The following SORCS3 variants were observed in gnomAD, a reference collection of about 807,000 sequenced individuals.
SORCS3 encodes sortilin related VPS10 domain containing receptor 3.
SORCS3 carries 57 observed loss-of-function variants against 146.3 expected under a neutral mutation model. That is an observed-to-expected ratio of 0.39 (90% CI 0.31 to 0.49). The LOEUF (loss-of-function observed/expected upper bound fraction) is 0.49. Among genes scored for constraint, SORCS3 ranks in the 20% least tolerant of loss-of-function variants. The pLI is 0.92. For missense variants in SORCS3, 1,341 were observed against 1,575.5 expected (o/e 0.85, Z 2.52); for synonymous variants, 653 against 618.5 (o/e 1.06, Z -0.83).
intron 3 of SORCS3, among the ~76,000 whole-genome samples, chr10:104,972,154 C>T (rs1228015992): frequency 4.6e-5 from 7 of 152,130 alleles, no homozygotes; most frequent in Middle Eastern, 3.4e-3. Flanking sequence ...GCCTGGCCAA[C>T]GTGGCAAAAC....
intron 4 of SORCS3, among the ~76,000 whole-genome samples, chr10:104,984,917 C>T (rs1264596210): frequency 1.3e-5 from 2 of 152,112 alleles, no homozygotes; most frequent in Admixed American, 1.3e-4. Context: ...TGCTAATGAT[C>T]ATCTGAGCCT....
At chr10:105,166,424 A>G (rs1181725240) in intron 12 of SORCS3, among the ~76,000 whole-genome samples, 1 of 152,170 alleles carries the variant, frequency 6.6e-6, no homozygotes, top group African/African-American at 2.4e-5. Context: ...CTGCTGGAGA[A>G]ATAGTTTTCC....
intron 13 of SORCS3, among the ~76,000 whole-genome samples, chr10:105,176,266 T>C (rs1019835180): frequency 6.6e-6 from 1 of 152,058 alleles, no homozygotes; most frequent in African/African-American, 2.4e-5. Context: ...CAGGTTAGGC[T>C]GGGCATGGTG....
chr10:104,797,806 A>C (rs1041518213), intron 1 of SORCS3, among the ~76,000 whole-genome samples: 1 of 152,172 alleles, frequency 6.6e-6, no homozygotes, highest in African/African-American at 2.4e-5. Flanking sequence ...TTTTAATTGC[A>C]AGACACTTCC....
intron 22 of SORCS3, among the ~76,000 whole-genome samples, chr10:105,250,181 C>T (rs1469750688): frequency 6.6e-6 from 1 of 151,996 alleles, no homozygotes; most frequent in Non-Finnish European, 1.5e-5. Flanking sequence ...GGCACTAATC[C>T]CATTCATGAG....
intron 3 of SORCS3, among the ~76,000 whole-genome samples, chr10:104,934,623 T>C (rs2019241696): frequency 6.6e-6 from 1 of 152,226 alleles, no homozygotes; most frequent in Non-Finnish European, 1.5e-5. Flanking sequence ...ACCTCTTGTA[T>C]TCTAAGACTT....
Position 105,108,885 on chromosome 10 carries a change from C to T in SORCS3, c.1212+3370C>T, listed in dbSNP as rs1466161258. Among the ~76,000 whole-genome samples, 3 of 152,120 alleles carry T rather than the reference C, an allele frequency of 2.0e-5. No homozygotes were observed. The East Asian group carries it at 5.8e-4, about 29-fold the overall frequency. On this transcript the variant is annotated intron_variant, in intron 7 of 26. Transcript: ENST00000369701. ...ATCAGTGGATCATCAGCATTTAATC[C>T]ACCTTTTTCTTCTCACAGGTGAGTT...
intron 2 of SORCS3, among the ~76,000 whole-genome samples, chr10:104,899,922 G>C (rs2018833782): frequency 6.6e-6 from 1 of 152,014 alleles, no homozygotes; most frequent in Non-Finnish European, 1.5e-5. Context: ...ATGCCTAGCT[G>C]ATATGGGGCA....
intron 5 of SORCS3, among the ~76,000 whole-genome samples, chr10:105,055,404 A>C (rs958810622): frequency 1.2e-4 from 18 of 152,180 alleles, no homozygotes; most frequent in African/African-American, 4.1e-4. Flanking sequence ...GATATTTGGG[A>C]TCTAAATAAA....
chr10:104,853,297 T>C (rs2018294115), intron 2 of SORCS3, among the ~76,000 whole-genome samples: 1 of 152,200 alleles, frequency 6.6e-6, no homozygotes, highest in Non-Finnish European at 1.5e-5. Context: ...AGACTGCGTC[T>C]CAAAAAGCAA....
At chr10:105,016,368 C>T (rs1825208346) in intron 4 of SORCS3, among the ~76,000 whole-genome samples, 1 of 151,148 alleles carries the variant, frequency 6.6e-6, no homozygotes, top group Admixed American at 6.6e-5. Context: ...CCAGGATGGT[C>T]TCAATCTCTT....
chr10:105,168,281 T>C (rs2056331459), intron 13 of SORCS3, among the ~76,000 whole-genome samples: 1 of 152,144 alleles, frequency 6.6e-6, no homozygotes, highest in South Asian at 2.1e-4. Flanking sequence ...GCTGACAGTG[T>C]ATATGCAAGA....
At chr10:104,822,060 T>C (rs1250656406) in intron 1 of SORCS3, 1 of 517,264 alleles carries the variant, frequency 1.9e-6, no homozygotes, top group Non-Finnish European at 3.9e-6. Flanking sequence ...CCACCCCTTA[T>C]TTTTTATTCC....
intron 5 of SORCS3, among the ~76,000 whole-genome samples, chr10:105,048,428 G>T (rs1480446583): frequency 6.6e-6 from 1 of 150,546 alleles, no homozygotes; most frequent in Non-Finnish European, 1.5e-5. Context: ...GCAAACTATC[G>T]CAAGGACAAA....
At chr10:105,196,150 C>A (rs2056542800) in intron 14 of SORCS3, among the ~76,000 whole-genome samples, 1 of 152,196 alleles carries the variant, frequency 6.6e-6, no homozygotes, top group East Asian at 1.9e-4. Flanking sequence ...GTTGGAAAGA[C>A]CAACAACATG....
At chr10:105,109,591 A>G (rs950270485) in intron 7 of SORCS3, among the ~76,000 whole-genome samples, 2 of 152,048 alleles carry the variant, frequency 1.3e-5, no homozygotes, top group Admixed American at 6.6e-5. Flanking sequence ...TTTTAATATC[A>G]TTTCTCAGGG....
At chr10:104,925,569 C>A (rs1467364041) in intron 3 of SORCS3, among the ~76,000 whole-genome samples, 1 of 152,140 alleles carries the variant, frequency 6.6e-6, no homozygotes, top group African/African-American at 2.4e-5. Context: ...TTCCCCCAAA[C>A]CTTTAGGAAA....
rs1175438240 is a variant in SORCS3, at chr10:105,167,439, C to A, written c.1901+90C>A. 16 of 886,334 alleles carry A rather than the reference C, an allele frequency of 1.8e-5. No homozygotes were observed. In the East Asian group the frequency reaches 3.3e-4, roughly 18 times the overall value. The allele number at this position is 886,334 out of a possible 1,614,324, so 54.9% of individuals were successfully genotyped here. On this transcript the variant is annotated intron_variant, in intron 13 of 26. Coordinates refer to ENST00000369701, the MANE Select transcript of SORCS3 (RefSeq NM_014978.3). ...TGAGTTATTCTGCATGGTTTTGTAC[C>A]CATTTGTACATTTCCTCATCCATTT...
chr10:104,829,445 G>C (rs964394365), intron 1 of SORCS3, among the ~76,000 whole-genome samples: 5 of 152,158 alleles, frequency 3.3e-5, no homozygotes, highest in Non-Finnish European at 5.9e-5. Context: ...AGAGGAGGGA[G>C]AAGAGCATAA....
Sources: allele counts gnomAD v4.1 joint callset (sites outside exome capture counted in the v4.1 genomes callset), GRCh38; gene constraint gnomAD v4.1.1; transcripts MANE v1.5; gene names NCBI Gene and HGNC (gene_info 2026-07-23, HGNC 2026-07-21).